Variants in NLRP5 observed in about 807,000 individuals in gnomAD.
NLRP5 encodes the protein NACHT, LRR and PYD domains-containing protein 5.
In NLRP5, 93 loss-of-function variants were observed where a neutral mutation model predicts 113.1. That is an observed-to-expected ratio of 0.82 (90% CI 0.70 to 0.98). The LOEUF is 0.98. Ranked by LOEUF, NLRP5 falls within the 50% of genes least tolerant of loss-of-function variation. The pLI, the probability that NLRP5 is intolerant of heterozygous loss-of-function variation, is 0.00. For missense variants in NLRP5, 1,808 were observed against 1,514.3 expected (o/e 1.19, Z -3.22); for synonymous variants, 751 against 600.7 (o/e 1.25, Z -3.66).
At chr19:56,049,444 G>C (rs1983850566) in intron 11 of NLRP5, among the ~76,000 whole-genome samples, 2 of 152,116 alleles carry the variant, frequency 1.3e-5, no homozygotes, top group Admixed American at 1.3e-4. Context: ...GCCACCCAAA[G>C]TGCTGAGATT....
intron 7 of NLRP5, among the ~76,000 whole-genome samples, chr19:56,030,952 T>A (rs1175319159): frequency 6.6e-6 from 1 of 151,776 alleles, no homozygotes; most frequent in Non-Finnish European, 1.5e-5. Context: ...GACCTTGTGA[T>A]CCTCCCATCT....
At chr19:56,058,821 C>T (rs553043709) in intron 14 of NLRP5, among the ~76,000 whole-genome samples, 1 of 152,214 alleles carries the variant, frequency 6.6e-6, no homozygotes, top group African/African-American at 2.4e-5. Flanking sequence ...TGGAAGTAAC[C>T]CAGGCGCTCG....
intron 11 of NLRP5, among the ~76,000 whole-genome samples, chr19:56,045,259 G>A (rs1278655423): frequency 4.6e-5 from 7 of 152,194 alleles, no homozygotes; most frequent in Non-Finnish European, 1.0e-4. Flanking sequence ...AGTAGTGAGA[G>A]TGGGCATCCT....
At chr19:56,032,583 GC>G in intron 7 of NLRP5, 27 bp from the exon 8 acceptor site, 1 of 1,598,362 alleles carries the variant, frequency 6.3e-7, no homozygotes, top group Non-Finnish European at 8.6e-7. Context: ...CATCCCATGA[GC>G]CCATGTTTCT....
At chr19:56,000,600 A>G (rs11667420) in intron 1 of NLRP5, among the ~76,000 whole-genome samples, 89,517 of 151,306 alleles carry the variant, frequency 0.59, 26,696 homozygotes, top group East Asian at 0.8. Context: ...TCCTGACCTC[A>G]TGATCCGCCC....
chr19:55,998,710 G>GTGTGTATATATATATATA (rs1555762449), upstream of NLRP5, among the ~76,000 whole-genome samples: 1,505 of 67,592 alleles, frequency 0.022, 104 homozygotes, highest in African/African-American at 0.11. Flanking sequence ...ATATGTGTGT[G>GTGTGTATATATATATATA]TGTGTATATA....
intron 6 of NLRP5, among the ~76,000 whole-genome samples, chr19:56,022,474 C>G (rs541301059): frequency 6.6e-5 from 10 of 152,206 alleles, no homozygotes; most frequent in African/African-American, 2.4e-4. Context: ...AGTGATCTGC[C>G]CATCTCAGCA....
chr19:56,049,383 G>A (rs1983847928), intron 11 of NLRP5, among the ~76,000 whole-genome samples: 1 of 152,180 alleles, frequency 6.6e-6, no homozygotes, highest in Non-Finnish European at 1.5e-5. Flanking sequence ...GTTTCTCCAT[G>A]TTGGTCAGGC....
At position 56,061,445 on chromosome 19, in the gene NLRP5, G is replaced by A. The variant is rs899427323; in HGVS notation, c.3520G>A (p.Val1174Met). The change falls in exon 15 of 15, where the codon GTG (valine) becomes ATG (methionine). Residue 1174 changes from valine (V) to methionine (M), a missense_variant. Coordinates refer to ENST00000390649, the MANE Select transcript of NLRP5 (RefSeq NM_153447.4). ...GCAAATAAGGAAGCTGCTGGAGGAA[G>A]TGCAGCTACTCAAGCCCCGAGTCGT... The A allele has an allele frequency of 9.3e-6, 15 of 1,613,686 alleles. No individual in the cohort carries two copies. The highest frequency in any genetic ancestry group is 1.3e-5 in the African/African-American group (1 of 74,922).
chr19:56,000,642 A>G lies in NLRP5; in HGVS notation c.62+855A>G, dbSNP rs113070439. ...GCCTCCCAAAGTGCTGGGATTACAG[A>G]CGTGAGCCACTGCGCTCAGCCACCT... On this transcript the variant is annotated intron_variant, in intron 1 of 14. Coordinates refer to ENST00000390649, the MANE Select transcript of NLRP5 (RefSeq NM_153447.4). Among the ~76,000 whole-genome samples the G allele has an allele frequency of 7.8e-4, 118 of 151,852 alleles. 1 individual carries two copies. Among genetic ancestry groups the G allele is most frequent in the African/African-American group, 2.5e-3 (105 of 41,430 alleles).
At chr19:56,039,066 C>G (rs1983424076) in intron 10 of NLRP5, among the ~76,000 whole-genome samples, 1 of 152,174 alleles carries the variant, frequency 6.6e-6, no homozygotes. Context: ...TGAGCTGTGC[C>G]AAGCACAGCG....
In NLRP5 at chr19:56,033,270, A is replaced by AG. The variant is rs1017988214; in HGVS notation, c.2448-272_2448-271insG. 2.6e-4 allele frequency among the ~76,000 whole-genome samples: 40 copies of AG among 151,704 alleles called. 1 individual carries two copies. Among genetic ancestry groups the AG allele is most frequent in the Non-Finnish European group, 7.4e-5 (5 of 67,980 alleles). ...CATCTTAAACAAAAAACAAAAAAAA[A>AG]CCTTGTGCTGATGTTACTGAAGCAG... On this transcript the variant is annotated intron_variant, in intron 8 of 14. Transcript: ENST00000390649.
chr19:56,023,496 C>T (rs536399730), intron 6 of NLRP5, among the ~76,000 whole-genome samples: 129 of 152,272 alleles, frequency 8.5e-4, no homozygotes, highest in African/African-American at 2.8e-3. Context: ...TTCCAAAAAG[C>T]GAAATCCGAA....
chr19:56,027,562 G>C lies in NLRP5; in HGVS notation c.1329G>C (p.Glu443Asp). 6.2e-7 allele frequency: 1 copy of C among 1,614,008 alleles called. No individual in the cohort carries two copies. Among genetic ancestry groups the C allele is most frequent in the Non-Finnish European group, 8.5e-7 (1 of 1,179,898 alleles). The change falls in exon 7 of 15, where the codon GAG (glutamate) becomes GAC (aspartate). Residue 443 changes from glutamate to aspartate, a missense_variant. By Grantham distance (45) the Glu-to-Asp change is conservative (BLOSUM62 2). Coordinates refer to ENST00000390649, the MANE Select transcript of NLRP5 (RefSeq NM_153447.4). ...AACAAAGAATCCACTTGCTCCTTGA[G>C]CGCGGGATTGGTGAGCATCAGAAGA...
chr19:56,020,741 G>T (rs1367809524), intron 6 of NLRP5, among the ~76,000 whole-genome samples: 1 of 150,870 alleles, frequency 6.6e-6, no homozygotes, highest in African/African-American at 2.5e-5. Context: ...GTAGTCAAAT[G>T]CTGTCTTCAA....
chr19:56,003,664 A>G, intron 1 of NLRP5, 72 bp from the exon 2 acceptor site: 1 of 1,523,004 alleles, frequency 6.6e-7, no homozygotes, highest in Non-Finnish European at 8.8e-7. Context: ...TAGTGAGGTG[A>G]TTGATGTTAG....
In NLRP5 at chr19:56,027,142, G is replaced by A; in HGVS notation, c.909G>A (p.Trp303Ter). 1 of 1,599,780 alleles carries A rather than the reference G, an allele frequency of 6.3e-7. No homozygotes were observed. Among genetic ancestry groups the A allele is most frequent in the Admixed American group, 1.7e-5 (1 of 57,578 alleles). ...TAGCCAGAAGGATCGTGCTGTGCTG[G>A]GCGCAAGGTGGACTCTACCAGGGAA... is the stretch of plus-strand genomic sequence containing the variant. Residue 303 changes from tryptophan to a stop codon, truncating the protein, a stop_gained, in exon 7 of 15, where the codon TGG becomes TGA. Coordinates refer to ENST00000390649, the MANE Select transcript of NLRP5 (RefSeq NM_153447.4). LOFTEE classifies it high-confidence loss of function.
At chr19:56,015,947 C>T (rs12610241) in intron 4 of NLRP5, 149 bp downstream of exon 4, 46,872 of 544,930 alleles carry the variant, frequency 0.086, 2,562 homozygotes, top group African/African-American at 0.17. Flanking sequence ...CCTAAGAGAT[C>T]TTGGGATCAG....
chr19:56,050,008 G>A (rs11880721), intron 11 of NLRP5, among the ~76,000 whole-genome samples: 75,934 of 151,852 alleles, frequency 0.5, 19,320 homozygotes, highest in African/African-American at 0.58. Flanking sequence ...GGCCAGGTGT[G>A]GTGGCTGACA....
Sources: gnomAD v4.1 joint callset for allele counts (sites outside exome capture counted in the v4.1 genomes callset) on GRCh38, gnomAD v4.1.1 for gene constraint, MANE v1.5 for transcripts, NCBI Gene and HGNC (gene_info 2026-07-23, HGNC 2026-07-21) for gene names.